LRRC3B: variants seen among roughly 807,000 people sequenced by gnomAD.
The protein encoded by LRRC3B is leucine-rich repeat-containing protein 3B.
In LRRC3B, 2 loss-of-function variants were observed where a neutral mutation model predicts 12.8. The ratio of observed to expected loss-of-function variants is 0.16; its 90% CI spans 0.06 to 0.49. The LOEUF is 0.49. Among genes scored for constraint, LRRC3B ranks in the 20% least tolerant of loss-of-function variants. The pLI is 0.96. For synonymous variants in LRRC3B, 132 were observed against 122.0 expected, an observed-to-expected ratio of 1.08 and a Z score of -0.54; for missense variants, 189 against 319.4, an observed-to-expected ratio of 0.59 and a Z score of 3.11.
chr3:26,658,618 A>G (rs1361156475), intron 1 of LRRC3B, among the ~76,000 whole-genome samples: 17 of 152,226 alleles, frequency 1.1e-4, no homozygotes, highest in Admixed American at 1.1e-3. Flanking sequence ...TTTATACAAA[A>G]CACTTTCAGA....
intron 1 of LRRC3B, among the ~76,000 whole-genome samples, chr3:26,674,975 G>A (rs1699827438): frequency 6.6e-6 from 1 of 152,122 alleles, no homozygotes; most frequent in African/African-American, 2.4e-5. Flanking sequence ...CTATTTTGTT[G>A]ATATTCCGTG....
chr3:26,680,240 C>G (rs1186341559), intron 1 of LRRC3B, among the ~76,000 whole-genome samples: 1 of 152,090 alleles, frequency 6.6e-6, no homozygotes, highest in Non-Finnish European at 1.5e-5. Context: ...CACCTCTCCA[C>G]CCCCACTTCC....
intron 1 of LRRC3B, among the ~76,000 whole-genome samples, chr3:26,687,331 C>G (rs1245294738): frequency 1.3e-5 from 2 of 152,046 alleles, no homozygotes; most frequent in Admixed American, 1.3e-4. Context: ...AGGAAATGTC[C>G]TCTTTATTTA....
chr3:26,631,200 C>T (rs1339274500), intron 1 of LRRC3B, among the ~76,000 whole-genome samples: 1 of 152,170 alleles, frequency 6.6e-6, no homozygotes, highest in Non-Finnish European at 1.5e-5. Flanking sequence ...TGGATCCTGG[C>T]CCGATGAACA....
At chr3:26,709,380 T>G (rs533554914) in intron 1 of LRRC3B, 133 bp from the exon 2 acceptor site, 1 of 406,384 alleles carries the variant, frequency 2.5e-6, no homozygotes, top group East Asian at 4.4e-5. Context: ...TAACTCCCAG[T>G]GGCATTGATG....
At chr3:26,652,801 A>T (rs1272650536) in intron 1 of LRRC3B, among the ~76,000 whole-genome samples, 3 of 152,214 alleles carry the variant, frequency 2.0e-5, no homozygotes, top group African/African-American at 7.2e-5. Context: ...TCTAACAGTT[A>T]TAACAGCACT....
chr3:26,636,582 T>G (rs540869798), intron 1 of LRRC3B, among the ~76,000 whole-genome samples: 2 of 152,108 alleles, frequency 1.3e-5, no homozygotes, highest in Non-Finnish European at 2.9e-5. Flanking sequence ...ATTGACAATA[T>G]TAAATTGTGG....
intron 1 of LRRC3B, among the ~76,000 whole-genome samples, chr3:26,707,555 A>T (rs1169589094): frequency 6.6e-6 from 1 of 152,182 alleles, no homozygotes; most frequent in Admixed American, 6.5e-5. Context: ...CAAGAGAAAT[A>T]TGAAGTGTCC....
At chr3:26,671,239 T>C (rs542586465) in intron 1 of LRRC3B, among the ~76,000 whole-genome samples, 34 of 145,164 alleles carry the variant, frequency 2.3e-4, no homozygotes, top group Non-Finnish European at 4.1e-4. Context: ...ATGGTCTCGA[T>C]CTCCTGACCT....
intron 1 of LRRC3B, among the ~76,000 whole-genome samples, chr3:26,636,910 CTTTCTCTCTTTCTTTCTTTCTT>C (rs1698898690): frequency 3.7e-5 from 4 of 107,396 alleles, no homozygotes; most frequent in African/African-American, 1.8e-4. Flanking sequence ...CTCTTTCTCT[CTTTCTCTCTTTCTTTCTTTCTT>C]TCTTTCTTTC....
At chr3:26,685,511 CTCTCTCTCTCTCTATATATA>C (rs1242013387) in intron 1 of LRRC3B, among the ~76,000 whole-genome samples, 14 of 52,106 alleles carry the variant, frequency 2.7e-4, no homozygotes, top group South Asian at 2.4e-3. Context: ...CTCTCTCTCT[CTCTCTCTCTCTCTATATATA>C]TATATATATA....
intron 1 of LRRC3B, among the ~76,000 whole-genome samples, chr3:26,694,157 G>T (rs1016140611): frequency 6.6e-6 from 1 of 152,118 alleles, no homozygotes; most frequent in South Asian, 2.1e-4. Flanking sequence ...TGAATGTATT[G>T]GTAGTAGTAA....
intron 1 of LRRC3B, among the ~76,000 whole-genome samples, chr3:26,643,260 G>GTGTGTGTGTATA (rs1553601877): frequency 5.1e-5 from 7 of 136,212 alleles, no homozygotes; most frequent in African/African-American, 1.8e-4. Context: ...GTGTGAGTGT[G>GTGTGTGTGTATA]TGTGTGTGTG....
rs199827527 is a variant in LRRC3B, at chr3:26,703,208, T to G, written c.-160-6305T>G. On this transcript the variant is annotated intron_variant, in intron 1 of 1. Coordinates refer to ENST00000396641, the Ensembl canonical transcript of LRRC3B. ...TGATGGTTTATGCAACCCACACTTA[T>G]TTTATGGATAACCTGATCATATAAA... Among the ~76,000 whole-genome samples, 3 of 152,104 alleles carry G rather than the reference T, an allele frequency of 2.0e-5. No individual in the cohort carries two copies. The East Asian group carries it at 5.8e-4, about 29-fold the overall frequency.
intron 1 of LRRC3B, among the ~76,000 whole-genome samples, chr3:26,687,988 C>T (rs1374382375): frequency 1.3e-5 from 2 of 152,314 alleles, no homozygotes; most frequent in Admixed American, 6.5e-5. Context: ...CAGATTCCTC[C>T]TTGCTTTGGT....
intron 1 of LRRC3B, among the ~76,000 whole-genome samples, chr3:26,628,734 T>G (rs1345440376): frequency 1.3e-5 from 2 of 151,854 alleles, no homozygotes; most frequent in Admixed American, 1.3e-4. Flanking sequence ...GAATGAAATC[T>G]GGAATCTTCT....
At chr3:26,679,162 G>T (rs1586710) in intron 1 of LRRC3B, among the ~76,000 whole-genome samples, 1 of 152,146 alleles carries the variant, frequency 6.6e-6, no homozygotes, top group Non-Finnish European at 1.5e-5. Flanking sequence ...AAATCCTCTA[G>T]GTTGGATGAT....
intron 1 of LRRC3B, among the ~76,000 whole-genome samples, chr3:26,689,807 C>A (rs564250194): frequency 1.3e-5 from 2 of 152,238 alleles, no homozygotes; most frequent in African/African-American, 4.8e-5. Flanking sequence ...GGCAGCTCTG[C>A]GGATGCCCAC....
At chr3:26,703,258 A>T (rs1700502398) in intron 1 of LRRC3B, among the ~76,000 whole-genome samples, 2 of 152,212 alleles carry the variant, frequency 1.3e-5, no homozygotes, top group African/African-American at 4.8e-5. Context: ...GCTCTATGAT[A>T]GTCAATAAGA....
Sources: allele counts gnomAD v4.1 joint callset (sites outside exome capture counted in the v4.1 genomes callset), GRCh38; gene constraint gnomAD v4.1.1; transcripts MANE v1.5; gene names NCBI Gene and HGNC (gene_info 2026-07-23, HGNC 2026-07-21).